Variants in UPB1 observed in about 807,000 individuals in gnomAD.
UPB1 encodes beta-ureidopropionase.
Under a neutral mutation model 49.1 loss-of-function variants are expected in UPB1, and 40 were observed. The ratio of observed to expected loss-of-function variants is 0.81; its 90% CI spans 0.63 to 1.06. The LOEUF (loss-of-function observed/expected upper bound fraction) is 1.06. UPB1 is among the 50% of genes least tolerant of loss of function. UPB1 has a pLI of 0.00. For missense variants in UPB1, 499 were observed against 505.9 expected, an observed-to-expected ratio of 0.99 and a Z score of 0.13; for synonymous variants, 207 against 198.2, an observed-to-expected ratio of 1.04 and a Z score of -0.38.
chr22:24,501,242 G>A (rs559333876), intron 2 of UPB1, among the ~76,000 whole-genome samples: 165 of 152,328 alleles, frequency 1.1e-3, no homozygotes, highest in African/African-American at 3.8e-3. Context: ...AAGCCATGGG[G>A]TGCACAGCCT....
rs750044777 is a variant in UPB1 at position 24,515,365 on chromosome 22, A to G, written c.786A>G (p.Ala262=). The change falls in exon 6 of 10, where the codon GCA becomes GCG. Residue 262 remains alanine, a synonymous_variant. Coordinates refer to ENST00000326010, the MANE Select transcript of UPB1 (RefSeq NM_016327.3). ...TCAACCCCTCGGCCACGATAGGAGC[A>G]CTCAGGTCACTCAGTTGGTGGGGTC... ...IIFNPSATIG[A]LSESLWPIEA... 1 of 1,614,008 alleles carries G rather than the reference A, an allele frequency of 6.2e-7. No individual in the cohort carries two copies. Among genetic ancestry groups the G allele is most frequent in the East Asian group, 2.2e-5 (1 of 44,856 alleles).
At chr22:24,520,063 T>C (rs760820578) in intron 6 of UPB1, 51 of 417,432 alleles carry the variant, frequency 1.2e-4, no homozygotes, top group Non-Finnish European at 1.8e-4. Context: ...AAACTGAGGC[T>C]CAGGATGAGG....
chr22:24,509,597 C>A (rs2044160349), intron 3 of UPB1, among the ~76,000 whole-genome samples: 1 of 151,976 alleles, frequency 6.6e-6, no homozygotes. Context: ...AGGGGGGGTC[C>A]CAGTGCCATC....
chr22:24,499,502 G>T (rs2043951261), intron 1 of UPB1, among the ~76,000 whole-genome samples: 5 of 152,130 alleles, frequency 3.3e-5, no homozygotes, highest in Admixed American at 3.3e-4. Context: ...TGAGCACTTA[G>T]GGCTTCCATC....
chr22:24,519,119 T>G (rs1234465721), intron 6 of UPB1, among the ~76,000 whole-genome samples: 1 of 152,206 alleles, frequency 6.6e-6, no homozygotes, highest in Non-Finnish European at 1.5e-5. Context: ...ACTGGTGTGT[T>G]TCTGTAAAAA....
chr22:24,497,905 A>G lies in UPB1; in HGVS notation c.105-2202A>G, dbSNP rs374360722. 9.7e-4 allele frequency among the ~76,000 whole-genome samples: 147 copies of G among 152,262 alleles called. 4 individuals are homozygous for G. In the South Asian group the frequency reaches 0.027, roughly 28 times the overall value. On this transcript the variant is annotated intron_variant, in intron 1 of 9. Transcript: ENST00000326010. ...GCCCTTTGGGAACGTCCTAGTGAAC[A>G]CTGTCCTCAGCCTGTGGTCTCACAC...
intron 4 of UPB1, among the ~76,000 whole-genome samples, chr22:24,512,078 G>A (rs1568988828): frequency 6.6e-6 from 1 of 151,914 alleles, no homozygotes; most frequent in Non-Finnish European, 1.5e-5. Context: ...CTATAATCAT[G>A]GTGACTTTAT....
chr22:24,503,400 C>CCACA (rs2044030227), intron 3 of UPB1: 1 of 152,250 alleles, frequency 6.6e-6, no homozygotes, highest in Non-Finnish European at 1.5e-5. Flanking sequence ...TTCTCTGTTC[C>CCACA]CACAGCTTCC....
intron 3 of UPB1, chr22:24,502,728 G>T: frequency 1.8e-6 from 1 of 561,484 alleles, no homozygotes. Context: ...AGTTCCTTTG[G>T]AATTTACCTT....
chr22:24,500,290 T>A lies in UPB1; in HGVS notation c.276+12T>A. The A allele has an allele frequency of 6.2e-7, 1 of 1,613,700 alleles. No homozygotes were observed. Among genetic ancestry groups the A allele is most frequent in the South Asian group, 1.1e-5 (1 of 91,052 alleles). Reference sequence around the variant, plus strand: ...CTGTGGCAGAACAGGTGCAGACTCTTTTGACCATAATAAATACACAAACAG... The same window carrying A: ...CTGTGGCAGAACAGGTGCAGACTCTATTGACCATAATAAATACACAAACAG... On this transcript the variant is annotated intron_variant, in intron 2 of 9. Transcript: ENST00000326010.
intron 3 of UPB1, chr22:24,503,008 C>T: frequency 6.4e-6 from 1 of 156,530 alleles, no homozygotes; most frequent in Non-Finnish European, 1.4e-5. Context: ...CCTCAGCCTC[C>T]CAAGTAGCTG....
chr22:24,513,561 C>T, intron 5 of UPB1, 76 bp downstream of exon 5: 1 of 1,552,704 alleles, frequency 6.4e-7, no homozygotes, highest in Non-Finnish European at 8.7e-7. Flanking sequence ...GTGGGACTTT[C>T]TGTGGGGAAG....
intron 4 of UPB1, among the ~76,000 whole-genome samples, chr22:24,512,985 A>G (rs751499222): frequency 6.6e-6 from 1 of 152,224 alleles, no homozygotes; most frequent in African/African-American, 2.4e-5. Flanking sequence ...GCTGCAATGA[A>G]TATGCGTTTG....
At chr22:24,498,847 G>A (rs943593334) in intron 1 of UPB1, among the ~76,000 whole-genome samples, 3 of 152,208 alleles carry the variant, frequency 2.0e-5, no homozygotes, top group Admixed American at 6.5e-5. Context: ...ACAGGCCTTC[G>A]AGGGAATAGA....
Position 24,500,221 on chromosome 22 carries a change from C to T in UPB1, c.219C>T (p.His73=), listed in dbSNP as rs377713912. Residue 73 remains histidine (H), a synonymous_variant, in exon 2 of 10, where the codon CAC becomes CAT. Coordinates refer to ENST00000326010, the MANE Select transcript of UPB1 (RefSeq NM_016327.3). The part of the protein sequence containing the change: ...EEQLRRPRIV[H]VGLVQNRIPL... Reference sequence around the variant, plus strand: ...AGCTGAGACGACCCCGCATTGTGCACGTGGGGCTGGTTCAGAACAGAATCC... The same window carrying T: ...AGCTGAGACGACCCCGCATTGTGCATGTGGGGCTGGTTCAGAACAGAATCC... 1.5e-4 allele frequency: 237 copies of T among 1,614,102 alleles called. No individual in the cohort carries two copies. The highest frequency in any genetic ancestry group is 1.8e-4 in the Non-Finnish European group (215 of 1,180,054).
intron 6 of UPB1, 126 bp downstream of exon 6, chr22:24,515,496 C>A: frequency 7.7e-7 from 1 of 1,303,272 alleles, no homozygotes; most frequent in South Asian, 1.3e-5. Context: ...AGAGCTGAGC[C>A]CCCAGGATTG....
In UPB1 at chr22:24,523,658, T is replaced by G. The variant is rs976369252; in HGVS notation, c.956T>G (p.Val319Gly). ...GGCTACTTTTATGGCTCGAGCTATG[T>G]GGCAGCCCCTGACAGCAGCCGGACT... ...DFGYFYGSSY[V>G]AAPDSSRTPG... Residue 319 changes from valine (V) to glycine (G), a missense_variant, in exon 9 of 10, where the codon GTG becomes GGG. Physicochemically the swap from Val to Gly is moderately radical, Grantham distance 109. Coordinates refer to ENST00000326010, the MANE Select transcript of UPB1 (RefSeq NM_016327.3). 1 of 1,614,264 alleles carries G rather than the reference T, an allele frequency of 6.2e-7. No homozygotes were observed.
intron 5 of UPB1, among the ~76,000 whole-genome samples, chr22:24,514,808 G>T (rs2044264789): frequency 6.6e-6 from 1 of 152,150 alleles, no homozygotes; most frequent in African/African-American, 2.4e-5. Context: ...CAGGTCTCCG[G>T]GCTCCACCGT....
At chr22:24,499,963 C>G in intron 1 of UPB1, 144 bp from the exon 2 acceptor site, 2 of 1,243,902 alleles carry the variant, frequency 1.6e-6, no homozygotes, top group South Asian at 1.2e-5. Context: ...CTCGCCAGCT[C>G]CCTTGGGCCC....
Sources: gnomAD v4.1 joint callset for allele counts (sites outside exome capture counted in the v4.1 genomes callset) on GRCh38, gnomAD v4.1.1 for gene constraint, MANE v1.5 for transcripts, NCBI Gene and HGNC (gene_info 2026-07-23, HGNC 2026-07-21) for gene names.